The following TLCD5 variants were observed in gnomAD, a reference collection of about 807,000 sequenced individuals.
The protein encoded by TLCD5 is TLC domain containing 5.
In TLCD5, 15 loss-of-function variants were observed where a neutral mutation model predicts 20.5. The ratio of observed to expected loss-of-function variants is 0.73; its 90% CI spans 0.49 to 1.13. The LOEUF (loss-of-function observed/expected upper bound fraction) is 1.13. Among genes scored for constraint, TLCD5 ranks in the 50% most tolerant of loss-of-function variants. The pLI, the probability that TLCD5 is intolerant of heterozygous loss-of-function variation, is 0.00. For missense variants in TLCD5, 289 were observed against 305.6 expected (o/e 0.95, Z 0.41); for synonymous variants, 107 against 114.7 (o/e 0.93, Z 0.43).
intron 2 of TLCD5, among the ~76,000 whole-genome samples, chr11:120,329,004 A>AGTGTGTGTGTGTGT (rs71301641): frequency 1.3e-4 from 1 of 7,548 alleles, no homozygotes; most frequent in African/African-American, 5.1e-4. Context: ...TAACAGTCAT[A>AGTGTGTGTGTGTGT]GTGTGTGTGT....
rs1325119595 is a variant in TLCD5 at position 120,332,976 on chromosome 11, T to A, written c.*2461T>A. The A allele has an allele frequency of 1.3e-5, 2 of 152,228 alleles. No individual in the cohort carries two copies. Among genetic ancestry groups the A allele is most frequent in the African/African-American group, 4.8e-5 (2 of 41,448 alleles). 9.4% of individuals were successfully genotyped at this position (152,228 alleles called of 1,614,324 possible). ...TGGGTCTTTAAAAATGAATGTCATT[T>A]GGTTAAAGAGTTTTGCTGGGCATTG... On this transcript the variant is annotated 3_prime_UTR_variant, in exon 3 of 3. Coordinates refer to ENST00000375095, the MANE Select transcript of TLCD5 (RefSeq NM_001198671.2). The surrounding 1 kb of genome is among the most constrained non-coding windows in gnomAD (Gnocchi z 4.2).
intron 2 of TLCD5, among the ~76,000 whole-genome samples, chr11:120,328,508 G>C (rs116986024): frequency 7.7e-4 from 117 of 152,172 alleles, no homozygotes; most frequent in Non-Finnish European, 1.5e-3. Flanking sequence ...CGGAGTTCAA[G>C]TTGTTAGCAG....
In TLCD5 at chr11:120,332,692, C is replaced by G. The variant is rs1020878569; in HGVS notation, c.*2177C>G. The stretch of plus-strand genomic sequence containing the variant: ...GGACTACAGGCGTGTGCCACCATGC[C>G]TGGCTACTTTTTGTATTTTTAGTAG... On this transcript the variant is annotated 3_prime_UTR_variant, in exon 3 of 3. Coordinates refer to ENST00000375095, the MANE Select transcript of TLCD5 (RefSeq NM_001198671.2). The surrounding 1 kb of genome is among the most constrained non-coding windows in gnomAD (Gnocchi z 4.2). The G allele has an allele frequency of 3.9e-5, 6 of 152,316 alleles. No homozygotes were observed. The highest frequency in any genetic ancestry group is 1.4e-4 in the African/African-American group (6 of 41,444). 9.4% of individuals were successfully genotyped at this position (152,316 alleles called of 1,614,324 possible).
chr11:120,330,513 T>C lies in TLCD5; in HGVS notation c.736T>C (p.Ter246GlnextTer11). 1 of 1,606,262 alleles carries C rather than the reference T, an allele frequency of 6.2e-7. No individual in the cohort carries two copies. Among genetic ancestry groups the C allele is most frequent in the South Asian group, 1.1e-5 (1 of 89,998 alleles). Residue 246 changes from the stop codon to glutamine, a stop_lost, in exon 3 of 3, where the codon TAG (stop) becomes CAG (glutamine). Coordinates refer to ENST00000375095, the MANE Select transcript of TLCD5 (RefSeq NM_001198671.2). ...LKHNGHLKIH* is the reference protein window; with the variant it reads ...LKHNGHLKIHQ The stretch of plus-strand genomic sequence containing the variant: ...ACACAACGGACATCTCAAAATACAC[T>C]AGCCAAGGCTTGCTCCAGATTATGG...
intron 1 of TLCD5, 98 bp downstream of exon 1, chr11:120,325,466 G>C (rs993299043): frequency 3.3e-5 from 5 of 151,880 alleles, no homozygotes; most frequent in Non-Finnish European, 7.4e-5. Flanking sequence ...GCTCGCCTCC[G>C]AAGGGGAGCG....
intron 2 of TLCD5, among the ~76,000 whole-genome samples, 192 bp from the exon 3 acceptor site, chr11:120,329,785 C>T (rs1280231803): frequency 2.6e-5 from 4 of 152,122 alleles, no homozygotes; most frequent in Admixed American, 6.5e-5. Context: ...GGGGTCTGAA[C>T]ATCGTTTAGT....
chr11:120,325,974 C>T (rs925872959), intron 1 of TLCD5, among the ~76,000 whole-genome samples: 1 of 152,226 alleles, frequency 6.6e-6, no homozygotes, highest in African/African-American at 2.4e-5. Flanking sequence ...AGCTGATCCG[C>T]ATTACTGGCC....
chr11:120,327,221 CA>C lies in TLCD5; in HGVS notation c.-1-219del. ...GCAGTTCCTGGTTTCCAGTTTACAA[CA>C]TTGACCAGTTGCTAACATGTTATCT... On this transcript the variant is annotated intron_variant, in intron 1 of 2. Transcript: ENST00000375095. 6.6e-6 allele frequency: 5 copies of C among 757,018 alleles called. No individual in the cohort carries two copies. In the South Asian group the frequency reaches 9.4e-5, roughly 14 times the overall value. 46.9% of individuals were successfully genotyped at this position (757,018 alleles called of 1,614,324 possible). A position where few individuals can be genotyped will look rare whatever the true frequency, so the allele number is the denominator to read the frequency against.
Position 120,330,129 on chromosome 11 carries a change from G to T in TLCD5, c.352G>T (p.Val118Leu). 1.9e-6 allele frequency: 3 copies of T among 1,613,490 alleles called. No homozygotes were observed. Among genetic ancestry groups the T allele is most frequent in the Non-Finnish European group, 2.5e-6 (3 of 1,179,652 alleles). ...TATCTTGGGCATTATCATGGCCCTT[G>T]TGCTTGGGGAGTCTGGCACAGAGGT... is the stretch of plus-strand genomic sequence containing the variant. ...LSILGIIMAL[V>L]LGESGTEVNA... Residue 118 changes from valine (V) to leucine (L), a missense_variant, in exon 3 of 3, where the codon GTG becomes TTG. Physicochemically the swap from Val to Leu is conservative, Grantham distance 32 (BLOSUM62 1). Transcript: ENST00000375095.
chr11:120,330,158 T>A lies in TLCD5; in HGVS notation c.381T>A (p.Asn127Lys). The A allele has an allele frequency of 1.3e-5, 21 of 1,605,256 alleles. No individual in the cohort carries two copies. Among genetic ancestry groups the A allele is most frequent in the Non-Finnish European group, 1.8e-5 (21 of 1,175,050 alleles). Reference sequence around the variant, plus strand: ...TTGGGGAGTCTGGCACAGAGGTCAATGCAGTCCTCTTTGGAAGTGAGCTTA... The same window carrying A: ...TTGGGGAGTCTGGCACAGAGGTCAAAGCAGTCCTCTTTGGAAGTGAGCTTA... The part of the protein sequence containing the change: ...LVLGESGTEV[N>K]AVLFGSELTN... The change falls in exon 3 of 3, where the codon AAT becomes AAA. Residue 127 changes from asparagine (N) to lysine (K), a missense_variant. Asn to Lys is a moderately conservative substitution (Grantham distance 94, BLOSUM62 0). Transcript: ENST00000375095.
chr11:120,330,314 C>T lies in TLCD5; in HGVS notation c.537C>T (p.Leu179=). 2 of 1,584,862 alleles carry T rather than the reference C, an allele frequency of 1.3e-6. No individual in the cohort carries two copies. Among genetic ancestry groups the T allele is most frequent in the Non-Finnish European group, 1.7e-6 (2 of 1,164,064 alleles). ...TGVRIGVGAC[L]LFCEMVSPTP... ...TGAGGATTGGTGTGGGAGCTTGCCT[C>T]CTTTTCTGTGAAATGGTCTCCCCCA... Residue 179 remains leucine, a synonymous_variant, in exon 3 of 3, where the codon CTC becomes CTT. Coordinates refer to ENST00000375095, the MANE Select transcript of TLCD5 (RefSeq NM_001198671.2).
chr11:120,329,624 TA>T (rs200924107), intron 2 of TLCD5, among the ~76,000 whole-genome samples: 18,394 of 144,768 alleles, frequency 0.13, 1,346 homozygotes, highest in South Asian at 0.23. Flanking sequence ...TTTAGCAGAG[TA>T]AAAAAAAAAA....
intron 2 of TLCD5, among the ~76,000 whole-genome samples, chr11:120,329,076 CATATT>C (rs1221406920): frequency 6.3e-5 from 9 of 143,224 alleles, no homozygotes; most frequent in Non-Finnish European, 9.0e-5. Context: ...GGATAACAGT[CATATT>C]GTGTGTGTGT....
At chr11:120,328,608 G>T (rs1187276113) in intron 2 of TLCD5, among the ~76,000 whole-genome samples, 1 of 152,190 alleles carries the variant, frequency 6.6e-6, no homozygotes, top group Non-Finnish European at 1.5e-5. Flanking sequence ...GTGTGTGTGT[G>T]TGTGTATGTG....
In TLCD5 at chr11:120,330,626, C is replaced by A; in HGVS notation, c.*111C>A. 8.0e-7 allele frequency: 1 copy of A among 1,252,356 alleles called. No homozygotes were observed. The highest frequency in any genetic ancestry group is 1.1e-6 in the Non-Finnish European group (1 of 926,434). The allele number at this position is 1,252,356 out of a possible 1,614,324, so 77.6% of individuals were successfully genotyped here. ...AACAAACTTAGGTTTCAATAAAGGG[C>A]TAAATGTATTGATCAATTTGGTCAG... On this transcript the variant is annotated 3_prime_UTR_variant, in exon 3 of 3. Transcript: ENST00000375095.
intron 2 of TLCD5, among the ~76,000 whole-genome samples, chr11:120,328,270 A>G (rs368570740): frequency 6.6e-6 from 1 of 151,894 alleles, no homozygotes; most frequent in African/African-American, 2.4e-5. Flanking sequence ...TTTAGTAGAG[A>G]TGGGGTTTCA....
chr11:120,327,847 T>C (rs1366804777), intron 2 of TLCD5, among the ~76,000 whole-genome samples: 1 of 152,218 alleles, frequency 6.6e-6, no homozygotes, highest in Non-Finnish European at 1.5e-5. Context: ...TTAAAACAGA[T>C]TTTAAATTGC....
chr11:120,325,400 G>T (rs1187973446), intron 1 of TLCD5, 32 bp downstream of exon 1: 1 of 152,178 alleles, frequency 6.6e-6, no homozygotes, highest in African/African-American at 2.4e-5. Flanking sequence ...CCCGGCCGGG[G>T]TGGGCACGGG....
chr11:120,328,969 T>C (rs373511483), intron 2 of TLCD5, among the ~76,000 whole-genome samples: 62 of 116,452 alleles, frequency 5.3e-4, no homozygotes, highest in Admixed American at 9.5e-4. Context: ...TGTATGCATA[T>C]CTGTGTCCTA....
Sources: gnomAD v4.1 joint callset for allele counts (sites outside exome capture counted in the v4.1 genomes callset) on GRCh38, gnomAD v4.1.1 for gene constraint, Gnocchi (gnomAD v3.1) non-coding constraint, MANE v1.5 for transcripts, NCBI Gene and HGNC (gene_info 2026-07-23, HGNC 2026-07-21) for gene names.